Variants in CDH13 observed in about 807,000 individuals in gnomAD.
CDH13 encodes cadherin-13.
In CDH13, 24 loss-of-function variants were observed where a neutral mutation model predicts 63.8. That is an observed-to-expected ratio of 0.38 (90% CI 0.27 to 0.53). The LOEUF is 0.53. Ranked by LOEUF, CDH13 falls within the 20% of genes least tolerant of loss-of-function variation. The probability of loss-of-function intolerance (pLI) is 0.85; values close to 1 mark genes in which losing one functional copy is unlikely to be tolerated. For synonymous variants in CDH13, 503 were observed against 355.3 expected, an observed-to-expected ratio of 1.42 and a Z score of -4.67; for missense variants, 1,049 against 903.1, an observed-to-expected ratio of 1.16 and a Z score of -2.07.
At chr16:83,344,220 C>T (rs1314899118) in intron 5 of CDH13, among the ~76,000 whole-genome samples, 1 of 152,154 alleles carries the variant, frequency 6.6e-6, no homozygotes, top group Non-Finnish European at 1.5e-5. Flanking sequence ...GTTTCCAAGA[C>T]AAACAAAAAA....
chr16:83,240,696 C>T (rs1216790054), intron 5 of CDH13, among the ~76,000 whole-genome samples: 2 of 109,474 alleles, frequency 1.8e-5, no homozygotes, highest in Non-Finnish European at 3.9e-5. Flanking sequence ...AAAAACATGA[C>T]TTTAAATTTA....
intron 1 of CDH13, among the ~76,000 whole-genome samples, chr16:82,721,060 C>G (rs376464614): frequency 1.1e-4 from 17 of 152,226 alleles, no homozygotes; most frequent in African/African-American, 4.1e-4. Context: ...GAAGTATAAC[C>G]AGGGATGCAA....
intron 1 of CDH13, among the ~76,000 whole-genome samples, chr16:82,845,207 C>T (rs1385135379): frequency 2.6e-5 from 4 of 152,106 alleles, no homozygotes; most frequent in African/African-American, 7.2e-5. Context: ...ACAGGGACCT[C>T]GAGAGGCACA....
chr16:82,748,323 C>T (rs1260272933), intron 1 of CDH13, among the ~76,000 whole-genome samples: 1 of 152,190 alleles, frequency 6.6e-6, no homozygotes, highest in Non-Finnish European at 1.5e-5. Flanking sequence ...AATTAATTTA[C>T]TATGCAGAGT....
At chr16:82,837,775 A>C (rs1215578340) in intron 1 of CDH13, among the ~76,000 whole-genome samples, 1 of 152,198 alleles carries the variant, frequency 6.6e-6, no homozygotes, top group Non-Finnish European at 1.5e-5. Flanking sequence ...ACATAGCAAC[A>C]TTCCTGACTC....
intron 2 of CDH13, among the ~76,000 whole-genome samples, chr16:82,944,291 G>C (rs894053700): frequency 3.3e-5 from 5 of 152,248 alleles, no homozygotes; most frequent in African/African-American, 1.2e-4. Flanking sequence ...GACTTGCAGA[G>C]GCATTGGTTA....
At chr16:82,636,262 A>T (rs1908642669) in intron 1 of CDH13, among the ~76,000 whole-genome samples, 1 of 152,080 alleles carries the variant, frequency 6.6e-6, no homozygotes, top group African/African-American at 2.4e-5. Context: ...TTGACATTGT[A>T]AACAGGGTCG....
At chr16:83,326,134 T>G (rs943318276) in intron 5 of CDH13, among the ~76,000 whole-genome samples, 1 of 152,212 alleles carries the variant, frequency 6.6e-6, no homozygotes, top group Non-Finnish European at 1.5e-5. Context: ...AGTGTCAGTG[T>G]GCAGGGTCTA....
intron 11 of CDH13, among the ~76,000 whole-genome samples, chr16:83,769,776 A>ATT (rs1914639130): frequency 6.6e-6 from 1 of 152,170 alleles, no homozygotes; most frequent in Non-Finnish European, 1.5e-5. Flanking sequence ...AGAAGAGATC[A>ATT]CTGGGGCACG....
intron 7 of CDH13, among the ~76,000 whole-genome samples, chr16:83,532,226 G>T (rs1462169892): frequency 3.3e-5 from 5 of 152,102 alleles, no homozygotes; most frequent in Non-Finnish European, 7.4e-5. Flanking sequence ...CCCAGTCTCA[G>T]GTATGTGTTT....
chr16:83,145,630 G>C (rs891480064), intron 4 of CDH13, among the ~76,000 whole-genome samples: 1 of 152,110 alleles, frequency 6.6e-6, no homozygotes, highest in Non-Finnish European at 1.5e-5. Flanking sequence ...TTTTTTCTTT[G>C]AAGAACATTC....
At chr16:83,228,269 A>G (rs1439358493) in intron 5 of CDH13, among the ~76,000 whole-genome samples, 1 of 152,174 alleles carries the variant, frequency 6.6e-6, no homozygotes, top group Non-Finnish European at 1.5e-5. Flanking sequence ...GCTGCTCCAC[A>G]TCCTGCTGTG....
chr16:83,624,705 G>T (rs550383998), intron 8 of CDH13, among the ~76,000 whole-genome samples: 1 of 152,078 alleles, frequency 6.6e-6, no homozygotes, highest in Non-Finnish European at 1.5e-5. Context: ...GGGGACCCTT[G>T]CCCTAGATCA....
intron 4 of CDH13, among the ~76,000 whole-genome samples, chr16:83,131,410 G>A (rs1352359860): frequency 6.6e-6 from 1 of 152,170 alleles, no homozygotes; most frequent in African/African-American, 2.4e-5. Context: ...AGACAGCAGG[G>A]AGGAGCTGAC....
At chr16:82,743,918 GATTA>G (rs2034045768) in intron 1 of CDH13, among the ~76,000 whole-genome samples, 1 of 152,182 alleles carries the variant, frequency 6.6e-6, no homozygotes. Context: ...TTGTTATAGT[GATTA>G]ATTGATTTGT....
At chr16:82,896,063 C>T (rs1045353653) in intron 2 of CDH13, among the ~76,000 whole-genome samples, 3 of 152,074 alleles carry the variant, frequency 2.0e-5, no homozygotes, top group East Asian at 3.9e-4. Context: ...TAAGGCATCA[C>T]CCTGTTTTAT....
intron 2 of CDH13, among the ~76,000 whole-genome samples, chr16:83,015,947 A>G (rs1231117537): frequency 5.3e-5 from 8 of 151,844 alleles, no homozygotes. Flanking sequence ...GGAAAGCAGC[A>G]CAAAAGCCTT....
chr16:83,067,042 A>G (rs2032070620), intron 3 of CDH13, among the ~76,000 whole-genome samples: 1 of 152,192 alleles, frequency 6.6e-6, no homozygotes, highest in African/African-American at 2.4e-5. Flanking sequence ...CCAAGCTGCC[A>G]TGGATGACTG....
chr16:83,291,977 A>G (rs2089477042), intron 5 of CDH13, among the ~76,000 whole-genome samples: 1 of 152,176 alleles, frequency 6.6e-6, no homozygotes. Context: ...CCCAATGGTC[A>G]TGAGTTATTG....
Sources: allele counts gnomAD v4.1 joint callset (sites outside exome capture counted in the v4.1 genomes callset), GRCh38; gene constraint gnomAD v4.1.1; transcripts MANE v1.5; gene names NCBI Gene and HGNC (gene_info 2026-07-23, HGNC 2026-07-21).